Variants in TRERF1 observed in about 807,000 individuals in gnomAD.
The protein encoded by TRERF1 is transcriptional-regulating factor 1.
TRERF1 carries 27 observed loss-of-function variants against 122.9 expected under a neutral mutation model. The observed-to-expected ratio is 0.22, with a 90% CI of 0.16 to 0.30. The LOEUF (loss-of-function observed/expected upper bound fraction) is 0.30, where lower values mean the gene tolerates loss of function less well. Ranked by LOEUF, TRERF1 falls within the 10% of genes least tolerant of loss-of-function variation. The pLI, the probability that TRERF1 is intolerant of heterozygous loss-of-function variation, is 1.00. For missense variants in TRERF1, 1,248 were observed against 1,560.3 expected (o/e 0.80, Z 3.37); for synonymous variants, 636 against 641.7 (o/e 0.99, Z 0.13).
intron 2 of TRERF1, among the ~76,000 whole-genome samples, chr6:42,371,207 A>T (rs1410898097): frequency 6.6e-6 from 1 of 152,196 alleles, no homozygotes; most frequent in African/African-American, 2.4e-5. Context: ...GGGAAGTAAA[A>T]GGCATTCAGG....
chr6:42,226,663 T>A (rs1353171898), exon 18 of TRERF1: 1 of 152,286 alleles, frequency 6.6e-6, no homozygotes. Context: ...GAGACCACTG[T>A]CTGTGTGGGG....
intron 3 of TRERF1, among the ~76,000 whole-genome samples, chr6:42,345,440 A>T (rs183090455): frequency 2.0e-5 from 3 of 152,262 alleles, no homozygotes; most frequent in African/African-American, 7.2e-5. Context: ...CAGCTTCTTC[A>T]CTCACAGACC....
intron 2 of TRERF1, among the ~76,000 whole-genome samples, chr6:42,382,879 CACA>C (rs1776181515): frequency 6.6e-6 from 1 of 151,246 alleles, no homozygotes; most frequent in East Asian, 2.0e-4. Flanking sequence ...TCTCCCAGGA[CACA>C]ACAACTGAAA....
intron 2 of TRERF1, among the ~76,000 whole-genome samples, chr6:42,443,179 A>G (rs1388755575): frequency 6.6e-6 from 1 of 152,226 alleles, no homozygotes; most frequent in Non-Finnish European, 1.5e-5. Flanking sequence ...ACAAATACAG[A>G]AGAAGCCCCA....
intron 3 of TRERF1, among the ~76,000 whole-genome samples, chr6:42,329,967 C>T (rs1262149154): frequency 3.3e-5 from 5 of 151,300 alleles, no homozygotes; most frequent in Non-Finnish European, 5.9e-5. Flanking sequence ...CCAGCCTGGG[C>T]GACAGAGCAA....
At chr6:42,409,998 C>T (rs1369144246) in intron 2 of TRERF1, among the ~76,000 whole-genome samples, 1 of 152,162 alleles carries the variant, frequency 6.6e-6, no homozygotes, top group East Asian at 1.9e-4. Context: ...ATTCATTCAT[C>T]CATCAAACAT....
chr6:42,269,220 T>C lies in TRERF1; in HGVS notation c.371A>G (p.Tyr124Cys). Reference sequence around the variant, plus strand: ...GGTCCGGATCTCGCTGGCCTGGGAGTAGGTGTATTGGTAGCCATCAGTGGG... The same window carrying C: ...GGTCCGGATCTCGCTGGCCTGGGAGCAGGTGTATTGGTAGCCATCAGTGGG... Residue 124 changes from tyrosine to cysteine, a missense_variant, in exon 5 of 18, where the codon TAC (tyrosine) becomes TGC (cysteine). Transcript: ENST00000372922. The surrounding 1 kb of genome is among the most constrained non-coding windows in gnomAD (Gnocchi z 4.9). 1.2e-6 allele frequency: 2 copies of C among 1,613,866 alleles called. No homozygotes were observed. The highest frequency in any genetic ancestry group is 1.7e-6 in the Non-Finnish European group (2 of 1,179,980).
At position 42,269,046 on chromosome 6, in the gene TRERF1, C is replaced by G. The variant is rs756906626; in HGVS notation, c.545G>C (p.Arg182Pro). 1 of 1,614,062 alleles carries G rather than the reference C, an allele frequency of 6.2e-7. No homozygotes were observed. The highest frequency in any genetic ancestry group is 2.2e-5 in the East Asian group (1 of 44,886). The change falls in exon 5 of 18, where the codon CGC (arginine) becomes CCC (proline). Residue 182 changes from arginine to proline, a missense_variant. By Grantham distance (103) the Arg-to-Pro change is moderately radical (BLOSUM62 -2). Coordinates refer to ENST00000372922, the Ensembl canonical transcript of TRERF1. The surrounding 1 kb of genome is among the most constrained non-coding windows in gnomAD (Gnocchi z 4.9). ...CATGGGCTTCTGAGACAGCAGCTGG[C>G]GGAGAGCACTGTCAGGGGCTCCATC...
intron 13 of TRERF1, 122 bp downstream of exon 13, chr6:42,254,729 T>G: frequency 1.2e-5 from 11 of 907,544 alleles, no homozygotes; most frequent in Non-Finnish European, 2.0e-5. Flanking sequence ...TAGGAGGCCT[T>G]GAGATCACAA....
chr6:42,268,513 G>A lies in TRERF1; in HGVS notation c.1078C>T (p.Pro360Ser). 1 of 1,613,952 alleles carries A rather than the reference G, an allele frequency of 6.2e-7. No individual in the cohort carries two copies. The change falls in exon 5 of 18, where the codon CCA becomes TCA. Residue 360 changes from proline to serine, a missense_variant. By Grantham distance (74) the Pro-to-Ser change is moderately conservative. Transcript: ENST00000372922. This position sits in a 1 kb window ranked among gnomAD's most constrained non-coding sequence, Gnocchi z 4.4. ...AGCTGGACAGTGTGTGCCTGCTCTGGGGTATACTGGTGAGGGTCCCTGTGA... is the reference window on the plus strand; with the variant it reads ...AGCTGGACAGTGTGTGCCTGCTCTGAGGTATACTGGTGAGGGTCCCTGTGA...
intron 2 of TRERF1, among the ~76,000 whole-genome samples, chr6:42,440,542 G>A (rs565733845): frequency 6.6e-6 from 1 of 152,228 alleles, no homozygotes; most frequent in South Asian, 2.1e-4. Flanking sequence ...TACTACTAAA[G>A]CGATCTGGAG....
chr6:42,399,530 A>G (rs1314914117), intron 2 of TRERF1, among the ~76,000 whole-genome samples: 1 of 152,148 alleles, frequency 6.6e-6, no homozygotes, highest in East Asian at 1.9e-4. Context: ...GAAAGAACCC[A>G]GACCTTGGAG....
At chr6:42,315,730 C>T (rs964883375) in intron 3 of TRERF1, among the ~76,000 whole-genome samples, 10 of 151,144 alleles carry the variant, frequency 6.6e-5, no homozygotes, top group Admixed American at 6.6e-5. Flanking sequence ...CCACTGCCAC[C>T]CCCTAACGTC....
chr6:42,356,897 C>G (rs926413993), intron 3 of TRERF1, among the ~76,000 whole-genome samples: 2 of 152,042 alleles, frequency 1.3e-5, no homozygotes, highest in African/African-American at 4.8e-5. Context: ...TTTAAGCAAC[C>G]CACTTTATGG....
intron 17 of TRERF1, among the ~76,000 whole-genome samples, chr6:42,229,415 C>T (rs1275323345): frequency 1.3e-5 from 2 of 152,190 alleles, no homozygotes; most frequent in Non-Finnish European, 2.9e-5. Context: ...TGTGATTACA[C>T]GTGTGAACCA....
At chr6:42,368,397 C>A (rs182870636) in intron 2 of TRERF1, among the ~76,000 whole-genome samples, 9 of 152,092 alleles carry the variant, frequency 5.9e-5, no homozygotes, top group Admixed American at 2.0e-4. Context: ...CCTCGCCCCC[C>A]CAAGTTAGGT....
At chr6:42,371,530 C>A (rs190880045) in intron 2 of TRERF1, among the ~76,000 whole-genome samples, 82 of 152,290 alleles carry the variant, frequency 5.4e-4, no homozygotes, top group Admixed American at 2.1e-3. Context: ...TGATGCTCAA[C>A]CCCCTCCTTG....
intron 3 of TRERF1, among the ~76,000 whole-genome samples, chr6:42,354,532 C>T (rs560403400): frequency 5.3e-4 from 80 of 152,072 alleles, no homozygotes; most frequent in African/African-American, 1.8e-3. Flanking sequence ...ATTGTTTAAT[C>T]CATCTGTAAT....
At chr6:42,311,436 C>T (rs1788208881) in intron 3 of TRERF1, among the ~76,000 whole-genome samples, 2 of 151,928 alleles carry the variant, frequency 1.3e-5, no homozygotes, top group Non-Finnish European at 1.5e-5. Flanking sequence ...CCGGCAGGTG[C>T]GGTCAGCAAG....
Sources: gnomAD v4.1 joint callset for allele counts (sites outside exome capture counted in the v4.1 genomes callset) on GRCh38, gnomAD v4.1.1 for gene constraint, Gnocchi (gnomAD v3.1) non-coding constraint, MANE v1.5 for transcripts, NCBI Gene and HGNC (gene_info 2026-07-23, HGNC 2026-07-21) for gene names.